Variants in NPAS3 observed in about 807,000 individuals in gnomAD.
NPAS3 encodes neuronal PAS domain-containing protein 3.
A neutral mutation model predicts 73.1 loss-of-function variants in NPAS3; 14 were observed. The observed-to-expected ratio is 0.19, with a 90% CI of 0.13 to 0.30. The LOEUF is 0.30. NPAS3 is among the 10% of genes least tolerant of loss of function. NPAS3 has a pLI of 1.00. For missense variants in NPAS3, 1,096 were observed against 1,250.0 expected (o/e 0.88, Z 1.86); for synonymous variants, 620 against 541.5 (o/e 1.14, Z -2.01).
At chr14:33,391,754 C>T (rs1424070371) in intron 4 of NPAS3, among the ~76,000 whole-genome samples, 2 of 152,064 alleles carry the variant, frequency 1.3e-5, no homozygotes, top group Non-Finnish European at 2.9e-5. Context: ...TGTAGTTAAT[C>T]CTACTGGACA....
chr14:33,235,037 A>G (rs1300156819), intron 3 of NPAS3, among the ~76,000 whole-genome samples: 1 of 152,148 alleles, frequency 6.6e-6, no homozygotes, highest in African/African-American at 2.4e-5. Flanking sequence ...CATTCATTTC[A>G]TCAACCCAAT....
At chr14:33,197,633 G>T (rs1053193929) in intron 2 of NPAS3, among the ~76,000 whole-genome samples, 1 of 152,270 alleles carries the variant, frequency 6.6e-6, no homozygotes, top group East Asian at 1.9e-4. Context: ...AAGCAGAAGA[G>T]ATTCAGCTAC....
chr14:33,588,672 G>A (rs752689809), intron 5 of NPAS3, among the ~76,000 whole-genome samples: 31 of 152,148 alleles, frequency 2.0e-4, no homozygotes, highest in Admixed American at 1.8e-3. Context: ...GGAGTGCAGC[G>A]GTGTGACCTT....
At chr14:33,350,743 C>T (rs893622880) in intron 3 of NPAS3, among the ~76,000 whole-genome samples, 2 of 152,262 alleles carry the variant, frequency 1.3e-5, no homozygotes, top group Middle Eastern at 3.4e-3. Flanking sequence ...TAATGCTTTG[C>T]GGCTAATAAA....
At chr14:33,609,095 G>A (rs1457240752) in intron 5 of NPAS3, among the ~76,000 whole-genome samples, 1 of 151,872 alleles carries the variant, frequency 6.6e-6, no homozygotes, top group Non-Finnish European at 1.5e-5. Flanking sequence ...GTTTCATTTC[G>A]GCACTGAACT....
In NPAS3 at chr14:33,580,553, C is replaced by G. The variant is rs564483831; in HGVS notation, c.558+20343C>G. 6.2e-4 allele frequency among the ~76,000 whole-genome samples: 95 copies of G among 152,276 alleles called. 1 individual carries two copies. The highest frequency in any genetic ancestry group is 6.8e-3 in the Middle Eastern group (2 of 294). On this transcript the variant is annotated intron_variant, in intron 5 of 11. Coordinates refer to ENST00000356141, the Ensembl canonical transcript of NPAS3. The stretch of plus-strand genomic sequence containing the variant: ...TACCCAGCCTGCAGAGGCAGACGTA[C>G]AGCCACGGTAGTTCCCCTCCATCCC...
chr14:33,329,930 C>T (rs1026707544), intron 3 of NPAS3, among the ~76,000 whole-genome samples: 21 of 152,002 alleles, frequency 1.4e-4, no homozygotes, highest in African/African-American at 3.4e-4. Flanking sequence ...TATCATCCCT[C>T]GTAAATGCTT....
chr14:33,051,432 T>C (rs1166332920), intron 1 of NPAS3, among the ~76,000 whole-genome samples: 1 of 152,224 alleles, frequency 6.6e-6, no homozygotes, highest in Non-Finnish European at 1.5e-5. Flanking sequence ...TATACTCATG[T>C]TGTTTTTCTG....
At chr14:33,143,156 A>G (rs901778424) in intron 2 of NPAS3, among the ~76,000 whole-genome samples, 75 of 152,032 alleles carry the variant, frequency 4.9e-4, no homozygotes, top group Non-Finnish European at 2.4e-4. Flanking sequence ...TAAGATTATA[A>G]GATAATTATG....
At chr14:33,781,637 T>C (rs1332356483) in intron 9 of NPAS3, among the ~76,000 whole-genome samples, 1 of 152,224 alleles carries the variant, frequency 6.6e-6, no homozygotes, top group Non-Finnish European at 1.5e-5. Flanking sequence ...ACATTAACTA[T>C]TTAGTTTTTC....
intron 2 of NPAS3, among the ~76,000 whole-genome samples, chr14:33,158,403 G>A (rs1011733809): frequency 2.6e-5 from 4 of 152,156 alleles, no homozygotes; most frequent in African/African-American, 9.7e-5. Flanking sequence ...CACTATATTT[G>A]GTCTGGGTAC....
intron 6 of NPAS3, among the ~76,000 whole-genome samples, chr14:33,717,155 T>C (rs2060978671): frequency 1.1e-5 from 1 of 92,448 alleles, no homozygotes; most frequent in Non-Finnish European, 2.5e-5. Flanking sequence ...ACTGTACGAT[T>C]GACATAAACT....
At chr14:33,286,541 G>A (rs561868904) in intron 3 of NPAS3, among the ~76,000 whole-genome samples, 4 of 152,220 alleles carry the variant, frequency 2.6e-5, no homozygotes, top group Admixed American at 6.5e-5. Context: ...TATTGAATGC[G>A]GGTAGTTATC....
At chr14:33,171,222 C>T (rs1199924509) in intron 2 of NPAS3, among the ~76,000 whole-genome samples, 1 of 152,168 alleles carries the variant, frequency 6.6e-6, no homozygotes, top group Non-Finnish European at 1.5e-5. Flanking sequence ...CTGAGTAGTA[C>T]ATCTTCACTG....
chr14:33,774,345 C>T, exon 8 of NPAS3: 1 of 1,613,508 alleles, frequency 6.2e-7, no homozygotes, highest in Non-Finnish European at 8.5e-7. Flanking sequence ...AGGTGATTCA[C>T]ATAACAGGCC....
intron 4 of NPAS3, among the ~76,000 whole-genome samples, chr14:33,540,067 A>T (rs988852942): frequency 2.0e-5 from 3 of 152,148 alleles, no homozygotes; most frequent in African/African-American, 7.2e-5. Flanking sequence ...GTGTTTGCTT[A>T]CAAATAAACG....
At chr14:33,300,047 C>G (rs1320661263) in intron 3 of NPAS3, among the ~76,000 whole-genome samples, 1 of 152,136 alleles carries the variant, frequency 6.6e-6, no homozygotes, top group Non-Finnish European at 1.5e-5. Context: ...CAAGACCACT[C>G]CCAGTATCTT....
chr14:33,095,737 G>A (rs1053761426), intron 2 of NPAS3, among the ~76,000 whole-genome samples: 5 of 139,798 alleles, frequency 3.6e-5, no homozygotes, highest in African/African-American at 1.3e-4. Context: ...GGCGCGATCT[G>A]GACTCACTGC....
intron 2 of NPAS3, among the ~76,000 whole-genome samples, chr14:33,127,871 C>G (rs1184429771): frequency 6.6e-6 from 1 of 151,988 alleles, no homozygotes; most frequent in Non-Finnish European, 1.5e-5. Context: ...CCACTTGATA[C>G]AAAATCTCAA....
Sources: gnomAD v4.1 joint callset for allele counts (sites outside exome capture counted in the v4.1 genomes callset) on GRCh38, gnomAD v4.1.1 for gene constraint, MANE v1.5 for transcripts, NCBI Gene and HGNC (gene_info 2026-07-23, HGNC 2026-07-21) for gene names.